The following EVI5 variants were observed in gnomAD, a reference collection of about 807,000 sequenced individuals.
EVI5 encodes the protein ecotropic viral integration site 5.
A neutral mutation model predicts 112.0 loss-of-function variants in EVI5; 73 were observed. That is an observed-to-expected ratio of 0.65 (90% CI 0.54 to 0.79). The LOEUF (loss-of-function observed/expected upper bound fraction) is 0.79, where lower values mean the gene tolerates loss of function less well. EVI5 is among the 30% of genes least tolerant of loss of function. The probability of loss-of-function intolerance (pLI) is 0.00; values close to 1 mark genes in which losing one functional copy is unlikely to be tolerated. For missense variants in EVI5, 900 were observed against 968.8 expected, an observed-to-expected ratio of 0.93 and a Z score of 0.94; for synonymous variants, 305 against 319.9, an observed-to-expected ratio of 0.95 and a Z score of 0.50.
intron 18 of EVI5, among the ~76,000 whole-genome samples, chr1:92,592,730 A>C (rs1674188137): frequency 6.6e-6 from 1 of 152,234 alleles, no homozygotes; most frequent in Non-Finnish European, 1.5e-5. Flanking sequence ...CAAAATGATA[A>C]AGGGGATATC....
intron 1 of EVI5, among the ~76,000 whole-genome samples, chr1:92,780,894 C>A (rs1209912743): frequency 1.3e-5 from 2 of 151,326 alleles, no homozygotes; most frequent in Non-Finnish European, 2.9e-5. Context: ...CTCTGTCGCC[C>A]AGGCTAGAGT....
At chr1:92,572,560 G>A (rs956134094) in intron 18 of EVI5, among the ~76,000 whole-genome samples, 3 of 151,996 alleles carry the variant, frequency 2.0e-5, no homozygotes, top group East Asian at 1.9e-4. Flanking sequence ...AGTAGGCTCC[G>A]TTAGTTTATC....
At chr1:92,686,362 A>T (rs1207241188) in intron 9 of EVI5, among the ~76,000 whole-genome samples, 1 of 152,156 alleles carries the variant, frequency 6.6e-6, no homozygotes, top group Non-Finnish European at 1.5e-5. Context: ...CATGCTAAAA[A>T]CTCTCAATAA....
intron 14 of EVI5, among the ~76,000 whole-genome samples, chr1:92,627,980 A>C (rs1656053541): frequency 6.6e-6 from 1 of 151,914 alleles, no homozygotes; most frequent in South Asian, 2.1e-4. Flanking sequence ...AGTAGAGACA[A>C]GGTTTCATTA....
intron 18 of EVI5, among the ~76,000 whole-genome samples, chr1:92,585,000 G>A (rs558414313): frequency 6.6e-6 from 1 of 152,116 alleles, no homozygotes; most frequent in South Asian, 2.1e-4. Flanking sequence ...GAGGTGAGCA[G>A]ATCACCTGAG....
intron 19 of EVI5, among the ~76,000 whole-genome samples, chr1:92,548,621 T>C (rs1237193503): frequency 6.6e-6 from 1 of 152,198 alleles, no homozygotes; most frequent in East Asian, 1.9e-4. Flanking sequence ...CAAAATCTCC[T>C]TAAGCTGATA....
At chr1:92,766,899 T>C (rs1156338631) in intron 1 of EVI5, among the ~76,000 whole-genome samples, 1 of 151,984 alleles carries the variant, frequency 6.6e-6, no homozygotes, top group Non-Finnish European at 1.5e-5. Context: ...CTGGCCAAAA[T>C]GGTGAAACTC....
chr1:92,710,293 T>C (rs913502185), intron 2 of EVI5, among the ~76,000 whole-genome samples: 4 of 151,790 alleles, frequency 2.6e-5, no homozygotes, highest in African/African-American at 7.3e-5. Flanking sequence ...CAGTGTGCCA[T>C]GATTGCACTG....
chr1:92,571,977 C>T (rs1292686491), intron 18 of EVI5, among the ~76,000 whole-genome samples: 3 of 152,122 alleles, frequency 2.0e-5, no homozygotes, highest in Admixed American at 6.5e-5. Context: ...TAAATACATA[C>T]GTTTTGTCAT....
At chr1:92,531,592 A>G (rs1046088100) in intron 19 of EVI5, among the ~76,000 whole-genome samples, 5 of 152,244 alleles carry the variant, frequency 3.3e-5, no homozygotes, top group African/African-American at 1.2e-4. Context: ...CGGATCTCTC[A>G]GCAGAAATCC....
chr1:92,663,408 C>A lies in EVI5; in HGVS notation c.1245+12G>T. ...GATGTTTTAAAAAACTAAAACAAAA[C>A]AAAAACTATACCTGTATCAATCTAT... On this transcript the variant is annotated intron_variant, in intron 12 of 19. Transcript: ENST00000684568. 2 of 1,383,804 alleles carry A rather than the reference C, an allele frequency of 1.4e-6. No individual in the cohort carries two copies. Among genetic ancestry groups the A allele is most frequent in the East Asian group, 2.5e-5 (1 of 39,306 alleles). The allele number at this position is 1,383,804 out of a possible 1,614,324, so 85.7% of individuals were successfully genotyped here.
intron 18 of EVI5, among the ~76,000 whole-genome samples, chr1:92,597,108 T>A (rs1460279705): frequency 2.0e-5 from 3 of 152,148 alleles, no homozygotes; most frequent in Non-Finnish European, 4.4e-5. Context: ...GAGGTTGGAC[T>A]CAAAAATCCA....
intron 19 of EVI5, among the ~76,000 whole-genome samples, chr1:92,537,024 G>C (rs1282955728): frequency 6.6e-6 from 1 of 152,054 alleles, no homozygotes; most frequent in Admixed American, 6.6e-5. Flanking sequence ...TGTGTGACTG[G>C]AGGTTGCACT....
intron 18 of EVI5, among the ~76,000 whole-genome samples, chr1:92,566,869 C>T (rs1343145788): frequency 1.4e-5 from 2 of 142,882 alleles, no homozygotes; most frequent in African/African-American, 5.1e-5. Context: ...TGCAATGGCA[C>T]AATCTCGGCT....
chr1:92,736,292 T>C (rs1286397728), intron 2 of EVI5, 106 bp downstream of exon 2: 1 of 700,690 alleles, frequency 1.4e-6, no homozygotes, highest in East Asian at 2.7e-5. Context: ...TAAATAACTT[T>C]GATAAATAAG....
intron 9 of EVI5, among the ~76,000 whole-genome samples, chr1:92,687,792 A>G (rs1183845445): frequency 6.6e-6 from 1 of 152,256 alleles, no homozygotes; most frequent in Non-Finnish European, 1.5e-5. Flanking sequence ...TAAAATGCTC[A>G]TCACCACTGG....
At chr1:92,785,946 C>A (rs1685591936), upstream of EVI5, among the ~76,000 whole-genome samples, 1 of 151,694 alleles carries the variant, frequency 6.6e-6, no homozygotes, top group Non-Finnish European at 1.5e-5. Flanking sequence ...AATAGCCCGG[C>A]GTCGTGGCGT....
intron 16 of EVI5, among the ~76,000 whole-genome samples, chr1:92,614,849 T>C (rs1202898537): frequency 1.5e-4 from 1 of 6,804 alleles, no homozygotes; most frequent in Non-Finnish European, 2.3e-4. Context: ...TTTATATATA[T>C]ATATATATAT....
intron 19 of EVI5, among the ~76,000 whole-genome samples, chr1:92,521,210 C>T (rs1294296757): frequency 6.6e-6 from 1 of 152,082 alleles, no homozygotes; most frequent in Admixed American, 6.5e-5. Context: ...AGTCCACCCA[C>T]CTTTGCCTCT....
Sources: gnomAD v4.1 joint callset for allele counts (sites outside exome capture counted in the v4.1 genomes callset) on GRCh38, gnomAD v4.1.1 for gene constraint, MANE v1.5 for transcripts, NCBI Gene and HGNC (gene_info 2026-07-23, HGNC 2026-07-21) for gene names.